The following CDK6 variants were observed in gnomAD, a reference collection of about 807,000 sequenced individuals.
The protein encoded by CDK6 is cyclin dependent kinase 6.
CDK6 carries 6 observed loss-of-function variants against 37.1 expected under a neutral mutation model. That is an observed-to-expected ratio of 0.16 (90% CI 0.09 to 0.32). The LOEUF is 0.32. Among genes scored for constraint, CDK6 ranks in the 10% least tolerant of loss-of-function variants. CDK6 has a pLI of 1.00. For synonymous variants in CDK6, 160 were observed against 161.3 expected, an observed-to-expected ratio of 0.99 and a Z score of 0.06; for missense variants, 224 against 418.9, an observed-to-expected ratio of 0.53 and a Z score of 4.06.
At chr7:92,803,122 T>C (rs184150399) in intron 2 of CDK6, among the ~76,000 whole-genome samples, 1 of 152,232 alleles carries the variant, frequency 6.6e-6, no homozygotes, top group Non-Finnish European at 1.5e-5. Context: ...TTTGTACATA[T>C]CATTTCAATG....
In CDK6 at chr7:92,761,332, C is replaced by T. The variant is rs150960084; in HGVS notation, c.369+13364G>A. Among the ~76,000 whole-genome samples, 154 of 152,226 alleles carry T rather than the reference C, an allele frequency of 1.0e-3. 4 individuals are homozygous for T. In the East Asian group the frequency reaches 0.029, roughly 29 times the overall value. On this transcript the variant is annotated intron_variant, in intron 3 of 7. Transcript: ENST00000424848. ...CTTTTGAAACTATAAAGTATTTAGA[C>T]TGTGTACAAAATATAAAACAGGCCA...
chr7:92,638,041 A>G (rs1051837061), intron 5 of CDK6, among the ~76,000 whole-genome samples: 7 of 152,218 alleles, frequency 4.6e-5, no homozygotes, highest in African/African-American at 7.2e-5. Context: ...CATTGTATGC[A>G]TTGCTCATAA....
rs1363131109 is a variant in CDK6 at position 92,608,782 on chromosome 7, C to T, written c.*6358G>A. 2 of 231,544 alleles carry T rather than the reference C, an allele frequency of 8.6e-6. No homozygotes were observed. The highest frequency in any genetic ancestry group is 6.1e-5 in the East Asian group (1 of 16,410). 14.3% of individuals were successfully genotyped at this position (231,544 alleles called of 1,614,324 possible). ...AGGGCACTCTGACCTCGGAAAGCAG[C>T]CCGCGGGGCCGCACATAATTTCAGG... On this transcript the variant is annotated 3_prime_UTR_variant, in exon 8 of 8. Coordinates refer to ENST00000424848, the MANE Select transcript of CDK6 (RefSeq NM_001145306.2).
At position 92,609,187 on chromosome 7, in the gene CDK6, G is replaced by C. The variant is rs566276706; in HGVS notation, c.*5953C>G. The C allele has an allele frequency of 3.7e-4, 87 of 232,762 alleles. 1 individual carries two copies. Among genetic ancestry groups the C allele is most frequent in the Non-Finnish European group, 6.4e-4 (75 of 117,854 alleles). 14.4% of individuals were successfully genotyped at this position (232,762 alleles called of 1,614,324 possible). The stretch of plus-strand genomic sequence containing the variant: ...CCGTCGAGTGTCTGCCACTCAAAAG[G>C]AATAAGCTGCTTTCTGTGGTGCTGT... On this transcript the variant is annotated 3_prime_UTR_variant, in exon 8 of 8. Transcript: ENST00000424848.
chr7:92,642,632 A>G (rs1796337777), intron 5 of CDK6, among the ~76,000 whole-genome samples: 1 of 152,210 alleles, frequency 6.6e-6, no homozygotes, highest in South Asian at 2.1e-4. Context: ...GTACAATGCA[A>G]AAAGACAAAA....
At chr7:92,682,385 C>T (rs1431190388) in intron 4 of CDK6, among the ~76,000 whole-genome samples, 1 of 152,162 alleles carries the variant, frequency 6.6e-6, no homozygotes, top group Non-Finnish European at 1.5e-5. Flanking sequence ...CTATGTCGTG[C>T]CTCATGTGGT....
chr7:92,688,948 T>C (rs1037183805), intron 4 of CDK6, among the ~76,000 whole-genome samples: 2 of 152,142 alleles, frequency 1.3e-5, no homozygotes, highest in Admixed American at 1.3e-4. Context: ...CAGCAACTAT[T>C]TTGGCGGAGG....
intron 5 of CDK6, among the ~76,000 whole-genome samples, chr7:92,655,620 C>T (rs527898033): frequency 1.1e-4 from 16 of 152,232 alleles, no homozygotes; most frequent in Non-Finnish European, 1.8e-4. Context: ...ATTTGGCACG[C>T]TCTTGTTGCC....
intron 2 of CDK6, among the ~76,000 whole-genome samples, chr7:92,826,463 G>A (rs1410555199): frequency 6.6e-6 from 1 of 152,138 alleles, no homozygotes; most frequent in Non-Finnish European, 1.5e-5. Flanking sequence ...ATTTCAACAG[G>A]TGGAGAGTGG....
At chr7:92,772,510 T>C (rs1474344624) in intron 3 of CDK6, among the ~76,000 whole-genome samples, 3 of 151,988 alleles carry the variant, frequency 2.0e-5, no homozygotes, top group Non-Finnish European at 4.4e-5. Flanking sequence ...GACATTCCCT[T>C]TCCTGGAGAT....
intron 4 of CDK6, among the ~76,000 whole-genome samples, chr7:92,710,141 C>T (rs1798055392): frequency 2.0e-5 from 3 of 152,140 alleles, no homozygotes; most frequent in Admixed American, 1.3e-4. Context: ...ACAGCCATCC[C>T]CTGCTTTCCT....
chr7:92,612,932 T>C lies in CDK6; in HGVS notation c.*2208A>G. ...AATGTCTTTGTATTTTGACCCTCGATCAAAGGAAAGGCAGAACTCACTTTT... is the reference window on the plus strand; with the variant it reads ...AATGTCTTTGTATTTTGACCCTCGACCAAAGGAAAGGCAGAACTCACTTTT... On this transcript the variant is annotated 3_prime_UTR_variant, in exon 8 of 8. Transcript: ENST00000424848. 4.3e-6 allele frequency: 1 copy of C among 233,132 alleles called. No individual in the cohort carries two copies. Among genetic ancestry groups the C allele is most frequent in the Non-Finnish European group, 8.5e-6 (1 of 117,976 alleles). 14.4% of individuals were successfully genotyped at this position (233,132 alleles called of 1,614,324 possible).
chr7:92,672,240 CACATAT>C (rs1484630134), intron 4 of CDK6, among the ~76,000 whole-genome samples: 8 of 143,250 alleles, frequency 5.6e-5, no homozygotes, highest in African/African-American at 2.1e-4. Flanking sequence ...CACACACACA[CACATAT>C]ATGAAGATGG....
intron 4 of CDK6, among the ~76,000 whole-genome samples, chr7:92,685,524 T>G (rs1797430240): frequency 6.6e-6 from 1 of 152,240 alleles, no homozygotes; most frequent in Middle Eastern, 3.2e-3. Flanking sequence ...TAGAAACCTG[T>G]GGCAGGTAGC....
intron 5 of CDK6, among the ~76,000 whole-genome samples, chr7:92,636,452 G>T (rs1456340675): frequency 1.3e-5 from 2 of 152,068 alleles, no homozygotes; most frequent in African/African-American, 4.8e-5. Context: ...AGGCTGAGGG[G>T]ATATGATTAT....
chr7:92,689,156 C>T lies in CDK6; in HGVS notation c.538-17621G>A, dbSNP rs56161134. 9.1e-3 allele frequency among the ~76,000 whole-genome samples: 1,392 copies of T among 152,170 alleles called. 21 individuals carry two copies. Among genetic ancestry groups the T allele is most frequent in the African/African-American group, 0.029 (1,187 of 41,510 alleles). On this transcript the variant is annotated intron_variant, in intron 4 of 7. Coordinates refer to ENST00000424848, the MANE Select transcript of CDK6 (RefSeq NM_001145306.2). ...AAGGCTCATAGGCTTTACAGGTAAA[C>T]GTGCGTCACAGGGGTTCATTGTACT...
intron 4 of CDK6, among the ~76,000 whole-genome samples, chr7:92,685,320 G>A (rs928073305): frequency 2.0e-5 from 3 of 152,130 alleles, no homozygotes; most frequent in African/African-American, 2.4e-5. Context: ...AAAAACCAGC[G>A]GAAGGCTTCT....
intron 4 of CDK6, among the ~76,000 whole-genome samples, chr7:92,697,416 C>T (rs148108608): frequency 2.0e-3 from 300 of 152,328 alleles, no homozygotes; most frequent in Non-Finnish European, 3.3e-3. Context: ...GGACTTCACA[C>T]ATTTTATGTT....
At chr7:92,788,746 G>T (rs1800206558) in intron 2 of CDK6, among the ~76,000 whole-genome samples, 1 of 152,144 alleles carries the variant, frequency 6.6e-6, no homozygotes, top group Admixed American at 6.6e-5. Context: ...TCACACACAA[G>T]GGATCTGCAA....
Sources: allele counts gnomAD v4.1 joint callset (sites outside exome capture counted in the v4.1 genomes callset), GRCh38; gene constraint gnomAD v4.1.1; transcripts MANE v1.5; gene names NCBI Gene and HGNC (gene_info 2026-07-23, HGNC 2026-07-21).